The following PDLIM5 variants were observed in gnomAD, a reference collection of about 807,000 sequenced individuals.
PDLIM5 encodes PDZ and LIM domain 5, also known as PDZ and LIM domain protein 5.
In PDLIM5, 34 loss-of-function variants were observed where a neutral mutation model predicts 64.2. That is an observed-to-expected ratio of 0.53 (90% CI 0.40 to 0.71). The LOEUF (loss-of-function observed/expected upper bound fraction) is 0.71, where lower values mean the gene tolerates loss of function less well. PDLIM5 is among the 30% of genes least tolerant of loss of function. PDLIM5 has a pLI of 0.00. For missense variants in PDLIM5, 683 were observed against 733.6 expected, an observed-to-expected ratio of 0.93 and a Z score of 0.80; for synonymous variants, 253 against 269.1, an observed-to-expected ratio of 0.94 and a Z score of 0.59.
chr4:94,575,677 C>T lies in PDLIM5; in HGVS notation c.353C>T (p.Thr118Ile). Reference protein sequence around the residue: ...PITSPAVSKVTSTNNMAYNKA... With the variant: ...PITSPAVSKVISTNNMAYNKA... The stretch of plus-strand genomic sequence containing the variant: ...ACATCTCCTGCTGTGTCCAAAGTCA[C>T]TTCCACAAACAACATGGCCTACAAT... The change falls in exon 5 of 13, where the codon ACT becomes ATT. Residue 118 changes from threonine to isoleucine, a missense_variant. Physicochemically the swap from Thr to Ile is moderately conservative, Grantham distance 89 (BLOSUM62 -1). Transcript: ENST00000317968. 3 of 1,612,688 alleles carry T rather than the reference C, an allele frequency of 1.9e-6. No individual in the cohort carries two copies. Among genetic ancestry groups the T allele is most frequent in the Non-Finnish European group, 2.5e-6 (3 of 1,179,110 alleles).
intron 9 of PDLIM5, among the ~76,000 whole-genome samples, chr4:94,642,974 A>G (rs1227856785): frequency 1.3e-5 from 2 of 152,082 alleles, no homozygotes; most frequent in Admixed American, 6.5e-5. Context: ...GTTTTGTTTT[A>G]TATTTACTTT....
chr4:94,599,798 G>A (rs1189104357), intron 7 of PDLIM5, among the ~76,000 whole-genome samples: 1 of 152,120 alleles, frequency 6.6e-6, no homozygotes, highest in African/African-American at 2.4e-5. Flanking sequence ...CCAAGGACTT[G>A]GGATTTTGGA....
intron 10 of PDLIM5, among the ~76,000 whole-genome samples, chr4:94,655,476 G>A (rs954146872): frequency 1.3e-5 from 2 of 152,108 alleles, no homozygotes; most frequent in Admixed American, 6.6e-5. Flanking sequence ...GAGAGAATAG[G>A]TAGTATGAAT....
At position 94,560,917 on chromosome 4, in the gene PDLIM5, A is replaced by G. The variant is rs1037595394; in HGVS notation, c.249-12434A>G. On this transcript the variant is annotated intron_variant, in intron 3 of 12. Coordinates refer to ENST00000317968, the MANE Select transcript of PDLIM5 (RefSeq NM_006457.5). Reference sequence around the variant, plus strand: ...AATTTTCTGTGTTTTTAGTAGAGACAGGGTTTACATCGTGTTAGCCAGGAT... The same window carrying G: ...AATTTTCTGTGTTTTTAGTAGAGACGGGGTTTACATCGTGTTAGCCAGGAT... Among the ~76,000 whole-genome samples the G allele has an allele frequency of 8.2e-4, 125 of 152,048 alleles. 1 individual carries two copies. The highest frequency in any genetic ancestry group is 3.3e-4 in the Admixed American group (5 of 15,250).
chr4:94,549,213 G>A (rs1217112243), intron 3 of PDLIM5, among the ~76,000 whole-genome samples: 1 of 152,174 alleles, frequency 6.6e-6, no homozygotes, highest in African/African-American at 2.4e-5. Context: ...ATGCCTGCAA[G>A]TGTCATATTC....
intron 2 of PDLIM5, among the ~76,000 whole-genome samples, chr4:94,508,943 G>C (rs1728631114): frequency 6.6e-6 from 1 of 152,088 alleles, no homozygotes; most frequent in Non-Finnish European, 1.5e-5. Context: ...ATATCATCGT[G>C]TCTTTCACAT....
At chr4:94,483,779 CTTTTAAAG>C (rs1170009045) in intron 2 of PDLIM5, among the ~76,000 whole-genome samples, 1 of 152,124 alleles carries the variant, frequency 6.6e-6, no homozygotes, top group African/African-American at 2.4e-5. Context: ...TATTACCCTG[CTTTTAAAG>C]TTAAAATTCA....
intron 3 of PDLIM5, among the ~76,000 whole-genome samples, chr4:94,571,595 T>C (rs1180212995): frequency 6.6e-6 from 1 of 152,238 alleles, no homozygotes. Flanking sequence ...GGGGATCTGT[T>C]ATCCCATTGT....
intron 7 of PDLIM5, chr4:94,588,208 A>G (rs921879927): frequency 6.3e-5 from 61 of 963,390 alleles, no homozygotes; most frequent in Admixed American, 6.2e-5. Flanking sequence ...TAAAATAAAC[A>G]ATTCTCTGAC....
rs555320582 is a variant in PDLIM5, at chr4:94,524,872, G to A, written c.248+997G>A. On this transcript the variant is annotated intron_variant, in intron 3 of 12. Transcript: ENST00000317968. ...AGTATCCTGGGCTGAAGGCAAGGGA[G>A]GAGAAAGAGGGAATGCAGAGTGATG... Among the ~76,000 whole-genome samples, 21 of 152,198 alleles carry A rather than the reference G, an allele frequency of 1.4e-4. No homozygotes were observed. In the South Asian group the frequency reaches 4.4e-3, roughly 32 times the overall value.
chr4:94,467,338 G>A (rs1344724091), intron 2 of PDLIM5, among the ~76,000 whole-genome samples: 3 of 146,348 alleles, frequency 2.0e-5, no homozygotes, highest in Non-Finnish European at 3.0e-5. Flanking sequence ...TTTTTGAGAC[G>A]GAGTCTCGCT....
At chr4:94,552,218 G>T (rs973200805) in intron 3 of PDLIM5, among the ~76,000 whole-genome samples, 3 of 151,928 alleles carry the variant, frequency 2.0e-5, no homozygotes, top group African/African-American at 7.3e-5. Context: ...ATCTTGAGAG[G>T]TTTAATCTCC....
chr4:94,601,259 A>G (rs1030367312), intron 7 of PDLIM5, among the ~76,000 whole-genome samples: 2 of 152,148 alleles, frequency 1.3e-5, no homozygotes, highest in Non-Finnish European at 2.9e-5. Flanking sequence ...TTCTCACTGT[A>G]TCCTCATATG....
intron 9 of PDLIM5, among the ~76,000 whole-genome samples, chr4:94,648,962 T>G (rs541598770): frequency 1.3e-5 from 2 of 150,650 alleles, no homozygotes; most frequent in African/African-American, 2.4e-5. Flanking sequence ...GATGTAATTG[T>G]TTTTTTTTGA....
At chr4:94,649,228 A>G (rs1358176697) in intron 9 of PDLIM5, among the ~76,000 whole-genome samples, 10 of 151,824 alleles carry the variant, frequency 6.6e-5, no homozygotes, top group Non-Finnish European at 1.0e-4. Context: ...CGCCCGTCTC[A>G]GCCTCCCAAA....
At chr4:94,497,860 G>A (rs748748421) in intron 2 of PDLIM5, among the ~76,000 whole-genome samples, 4 of 152,142 alleles carry the variant, frequency 2.6e-5, no homozygotes, top group African/African-American at 4.8e-5. Context: ...GATTGAATGG[G>A]TAGCTACGTG....
At chr4:94,663,520 A>G (rs1742898510) in intron 12 of PDLIM5, among the ~76,000 whole-genome samples, 1 of 151,778 alleles carries the variant, frequency 6.6e-6, no homozygotes, top group South Asian at 2.1e-4. Flanking sequence ...GCAGCCCTTA[A>G]AAAAAAAGGG....
chr4:94,499,225 A>G (rs938757217), intron 2 of PDLIM5, among the ~76,000 whole-genome samples: 3 of 152,334 alleles, frequency 2.0e-5, no homozygotes, highest in African/African-American at 7.2e-5. Flanking sequence ...TTACTGTTAC[A>G]ATAACCACAG....
chr4:94,452,635 T>C (rs1214138180), intron 1 of PDLIM5, among the ~76,000 whole-genome samples: 1 of 152,224 alleles, frequency 6.6e-6, no homozygotes, highest in African/African-American at 2.4e-5. Flanking sequence ...TGTTGGGGCT[T>C]TTGTAAGACT....
Sources: gnomAD v4.1 joint callset for allele counts (sites outside exome capture counted in the v4.1 genomes callset) on GRCh38, gnomAD v4.1.1 for gene constraint, MANE v1.5 for transcripts, NCBI Gene and HGNC (gene_info 2026-07-23, HGNC 2026-07-21) for gene names.